Variants in USP39 observed in about 807,000 individuals in gnomAD.
The protein encoded by USP39 is ubiquitin carboxyl-terminal hydrolase 39.
In USP39, 38 loss-of-function variants were observed where a neutral mutation model predicts 66.4. The observed-to-expected ratio is 0.57, with a 90% CI of 0.44 to 0.75. The LOEUF (loss-of-function observed/expected upper bound fraction) is 0.75. Ranked by LOEUF, USP39 falls within the 30% of genes least tolerant of loss-of-function variation. The pLI, the probability that USP39 is intolerant of heterozygous loss-of-function variation, is 0.00. For missense variants in USP39, 608 were observed against 714.4 expected, an observed-to-expected ratio of 0.85 and a Z score of 1.70; for synonymous variants, 303 against 274.6, an observed-to-expected ratio of 1.10 and a Z score of -1.02.
chr2:85,625,576 C>G lies in USP39; in HGVS notation c.608C>G (p.Ala203Gly). 1 of 1,614,082 alleles carries G rather than the reference C, an allele frequency of 6.2e-7. No individual in the cohort carries two copies. The highest frequency in any genetic ancestry group is 1.1e-5 in the South Asian group (1 of 91,086). ...LKPTFTKQQI[A>G]NLDKQAKLSR... ...CCCACTTTCACAAAGCAGCAAATTG[C>G]AAACTTGGACAAGCAAGCCAAATTG... The change falls in exon 5 of 13, where the codon GCA becomes GGA. Residue 203 changes from alanine to glycine, a missense_variant. Transcript: ENST00000323701.
intron 10 of USP39, among the ~76,000 whole-genome samples, chr2:85,642,343 C>T (rs1055417194): frequency 1.3e-5 from 2 of 152,260 alleles, no homozygotes; most frequent in East Asian, 1.9e-4. Flanking sequence ...GTGCTTTCTT[C>T]GAAAGTCTGT....
upstream of USP39, among the ~76,000 whole-genome samples, chr2:85,612,598 G>C (rs1029910152): frequency 1.3e-5 from 2 of 152,208 alleles, no homozygotes; most frequent in East Asian, 1.9e-4. Flanking sequence ...AACTGTCCCC[G>C]CGGGAGGACC....
chr2:85,629,842 T>A (rs1675188952), intron 5 of USP39, among the ~76,000 whole-genome samples: 2 of 151,782 alleles, frequency 1.3e-5, no homozygotes, highest in African/African-American at 4.8e-5. Context: ...TTAAAAAAAA[T>A]TTTGGCTGGG....
upstream of USP39, chr2:85,609,168 G>A (rs1218419281): frequency 6.7e-6 from 10 of 1,494,688 alleles, no homozygotes; most frequent in Non-Finnish European, 9.0e-6. Context: ...TTAGCTCAAG[G>A]CTTTTTGCCA....
Position 85,637,362 on chromosome 2 carries a change from T to C in USP39, c.1028-7T>C. ...CGGAATTTGTCTCTTGCTTCCTGTT[T>C]GTGCAGCTATTGTGACTGATGTTTT... is the stretch of plus-strand genomic sequence containing the variant. On this transcript the variant is annotated splice_polypyrimidine_tract_variant and splice_region_variant and intron_variant, in intron 7 of 12. Coordinates refer to ENST00000323701, the MANE Select transcript of USP39 (RefSeq NM_006590.4). 1.2e-6 allele frequency: 2 copies of C among 1,614,200 alleles called. No homozygotes were observed. Among genetic ancestry groups the C allele is most frequent in the Non-Finnish European group, 1.7e-6 (2 of 1,180,014 alleles).
At chr2:85,604,432 G>C (rs1290656188) in intron 1 of USP39, among the ~76,000 whole-genome samples, 1 of 152,082 alleles carries the variant, frequency 6.6e-6, no homozygotes, top group South Asian at 2.1e-4. Flanking sequence ...GGCTGCTCTT[G>C]AACTCCTGAC....
intron 4 of USP39, among the ~76,000 whole-genome samples, chr2:85,624,862 C>T (rs931213809): frequency 6.6e-6 from 1 of 151,454 alleles, no homozygotes; most frequent in East Asian, 1.9e-4. Flanking sequence ...ACTTGGGAGG[C>T]TGAGGCAGGA....
At chr2:85,641,626 G>T (rs1213065847) in intron 10 of USP39, among the ~76,000 whole-genome samples, 2 of 152,156 alleles carry the variant, frequency 1.3e-5, no homozygotes, top group African/African-American at 4.8e-5. Flanking sequence ...GTTTGGCTGG[G>T]CGTGGTGGCT....
intron 3 of USP39, among the ~76,000 whole-genome samples, chr2:85,623,058 T>G (rs1445933712): frequency 1.3e-5 from 2 of 152,102 alleles, no homozygotes; most frequent in Admixed American, 6.6e-5. Flanking sequence ...GCTGGAGTGT[T>G]TATGTTGAGT....
chr2:85,609,019 G>A, upstream of USP39: 2 of 1,614,248 alleles, frequency 1.2e-6, no homozygotes, highest in Non-Finnish European at 1.7e-6. Flanking sequence ...GGTGGATCCA[G>A]AGGCGTGTGT....
At chr2:85,609,709 T>G (rs1442222036), upstream of USP39, 8 of 1,292,376 alleles carry the variant, frequency 6.2e-6, no homozygotes, top group African/African-American at 1.0e-4. Context: ...TGAGACGAAG[T>G]CTCACTCTGT....
intron 1 of USP39, among the ~76,000 whole-genome samples, chr2:85,603,708 C>A (rs1673096058): frequency 1.3e-5 from 2 of 151,896 alleles, no homozygotes; most frequent in Non-Finnish European, 2.9e-5. Flanking sequence ...TCTCCTGCCT[C>A]AGCCTCCCGA....
upstream of USP39, chr2:85,611,631 C>G: frequency 1.3e-6 from 2 of 1,563,124 alleles, no homozygotes; most frequent in Non-Finnish European, 1.7e-6. Context: ...GCAGGAAGAG[C>G]GCGCGGGCTG....
intron 1 of USP39, among the ~76,000 whole-genome samples, chr2:85,604,050 G>C (rs1451973577): frequency 6.6e-6 from 1 of 152,130 alleles, no homozygotes; most frequent in African/African-American, 2.4e-5. Context: ...GCCCAGCGTG[G>C]GGAGCTGAAG....
At position 85,616,254 on chromosome 2, in the gene USP39, A is replaced by C; in HGVS notation, c.59A>C (p.Glu20Ala). 6.6e-7 allele frequency: 1 copy of C among 1,509,786 alleles called. No homozygotes were observed. Among genetic ancestry groups the C allele is most frequent in the Non-Finnish European group, 8.9e-7 (1 of 1,126,992 alleles). The allele number at this position is 1,509,786 out of a possible 1,614,324, so 93.5% of individuals were successfully genotyped here. A position where few individuals can be genotyped will look rare whatever the true frequency, so the allele number is the denominator to read the frequency against. Residue 20 changes from glutamate (E) to alanine (A), a missense_variant, in exon 1 of 13, where the codon GAG becomes GCG. Transcript: ENST00000323701. Reference protein sequence around the residue: ...RGSTRGKRESESRGSSGRVKR... With the variant: ...RGSTRGKRESASRGSSGRVKR... ...TCCACTCGCGGGAAGCGAGAGTCTG[A>C]GTCGCGGGGCAGCTCCGGTCGCGTC...
At chr2:85,622,248 A>G (rs1674519916) in intron 3 of USP39, among the ~76,000 whole-genome samples, 1 of 151,580 alleles carries the variant, frequency 6.6e-6, no homozygotes, top group South Asian at 2.1e-4. Flanking sequence ...CAGCCTCCTG[A>G]GTAGCTGGGA....
chr2:85,640,753 G>A (rs1676171495), intron 9 of USP39, among the ~76,000 whole-genome samples: 3 of 146,228 alleles, frequency 2.1e-5, no homozygotes, highest in African/African-American at 5.0e-5. Flanking sequence ...GATTATAGGT[G>A]TGAGCCACCA....
At chr2:85,648,049 T>C in intron 12 of USP39, 33 bp downstream of exon 12, 4 of 1,611,212 alleles carry the variant, frequency 2.5e-6, no homozygotes, top group Non-Finnish European at 3.4e-6. Flanking sequence ...GAGCCACAAA[T>C]AGGTGGCGTA....
chr2:85,644,483 G>A (rs1015140204), intron 10 of USP39, among the ~76,000 whole-genome samples: 1 of 152,128 alleles, frequency 6.6e-6, no homozygotes, highest in African/African-American at 2.4e-5. Flanking sequence ...CCAGGCTGGA[G>A]TGCAATAGTG....
Sources: allele counts gnomAD v4.1 joint callset (sites outside exome capture counted in the v4.1 genomes callset), GRCh38; gene constraint gnomAD v4.1.1; transcripts MANE v1.5; gene names NCBI Gene and HGNC (gene_info 2026-07-23, HGNC 2026-07-21).